Variants in RBFOX2 observed in about 807,000 individuals in gnomAD.
The protein encoded by RBFOX2 is RNA binding fox-1 homolog 2.
A neutral mutation model predicts 49.1 loss-of-function variants in RBFOX2; 10 were observed. That is an observed-to-expected ratio of 0.20 (90% CI 0.13 to 0.35). RBFOX2 has a LOEUF of 0.35. Among genes scored for constraint, RBFOX2 ranks in the 10% least tolerant of loss-of-function variants. The probability of loss-of-function intolerance (pLI) is 1.00; values close to 1 mark genes in which losing one functional copy is unlikely to be tolerated. For synonymous variants in RBFOX2, 183 were observed against 187.4 expected (o/e 0.98, Z 0.19); for missense variants, 323 against 486.9 (o/e 0.66, Z 3.17).
intron 1 of RBFOX2, among the ~76,000 whole-genome samples, chr22:35,934,450 A>C (rs2052809951): frequency 6.6e-6 from 1 of 152,186 alleles, no homozygotes; most frequent in Non-Finnish European, 1.5e-5. Flanking sequence ...TTAGAGAAGG[A>C]TGGCCATACA....
At chr22:35,961,720 T>C (rs2056227759), upstream of RBFOX2, 1 of 1,281,570 alleles carries the variant, frequency 7.8e-7, no homozygotes, top group Non-Finnish European at 1.0e-6. Flanking sequence ...TGGAGCAGGA[T>C]ACACAAAAAG....
chr22:35,888,964 G>A (rs796460482), intron 1 of RBFOX2, among the ~76,000 whole-genome samples: 3 of 152,162 alleles, frequency 2.0e-5, no homozygotes, highest in African/African-American at 7.2e-5. Context: ...AGACCAGCCT[G>A]GCCAACATGG....
chr22:35,896,966 C>T (rs1272389544), intron 1 of RBFOX2, among the ~76,000 whole-genome samples: 1 of 152,208 alleles, frequency 6.6e-6, no homozygotes, highest in Non-Finnish European at 1.5e-5. Flanking sequence ...TTATACACAA[C>T]TTTCCTCTCT....
chr22:35,909,915 A>G (rs2049590562), intron 1 of RBFOX2, among the ~76,000 whole-genome samples: 1 of 152,226 alleles, frequency 6.6e-6, no homozygotes, highest in Non-Finnish European at 1.5e-5. Flanking sequence ...GCCGGGCCTT[A>G]CTTTCTTTTT....
intron 1 of RBFOX2, among the ~76,000 whole-genome samples, chr22:36,016,726 G>T (rs2059050355): frequency 6.6e-6 from 1 of 152,154 alleles, no homozygotes; most frequent in African/African-American, 2.4e-5. Context: ...TGGGAAAACA[G>T]GTTTTTAAGC....
chr22:36,022,424 AAACTC>A (rs1257297833), intron 1 of RBFOX2, among the ~76,000 whole-genome samples: 1 of 152,234 alleles, frequency 6.6e-6, no homozygotes, highest in African/African-American at 2.4e-5. Flanking sequence ...GTTGGGAGAC[AAACTC>A]AACTCAAGCT....
intron 1 of RBFOX2, among the ~76,000 whole-genome samples, chr22:35,882,588 T>C (rs1305407039): frequency 6.6e-6 from 1 of 152,130 alleles, no homozygotes; most frequent in African/African-American, 2.4e-5. Flanking sequence ...GACAGAAAAC[T>C]TGATGATCCC....
intron 1 of RBFOX2, among the ~76,000 whole-genome samples, chr22:35,875,814 A>G (rs933574669): frequency 4.6e-5 from 7 of 152,174 alleles, no homozygotes; most frequent in African/African-American, 1.7e-4. Flanking sequence ...TAAACTTTAC[A>G]TTTTATTGGG....
chr22:36,007,238 AAAACATAGCTAATATAC>A (rs1196570293), intron 1 of RBFOX2, among the ~76,000 whole-genome samples: 7 of 151,950 alleles, frequency 4.6e-5, no homozygotes, highest in Non-Finnish European at 8.8e-5. Flanking sequence ...AAAATGTAAG[AAAACATAGCTAATATAC>A]AAACATATAA....
intron 1 of RBFOX2, among the ~76,000 whole-genome samples, chr22:35,878,859 T>C (rs903605239): frequency 1.8e-4 from 27 of 152,112 alleles, no homozygotes; most frequent in Admixed American, 9.8e-4. Context: ...GCCTCCAGAG[T>C]GGCTGGGACT....
intron 1 of RBFOX2, among the ~76,000 whole-genome samples, chr22:35,984,608 G>C (rs558045781): frequency 2.0e-5 from 3 of 152,286 alleles, no homozygotes. Context: ...AAGCTATACT[G>C]AAGTTGGCTC....
At chr22:35,872,008 A>G (rs1432450561) in intron 1 of RBFOX2, among the ~76,000 whole-genome samples, 1 of 152,212 alleles carries the variant, frequency 6.6e-6, no homozygotes, top group Non-Finnish European at 1.5e-5. Context: ...AAAGAATGAC[A>G]ATTTTAAGCA....
chr22:35,822,529 T>C (rs574930148), intron 1 of RBFOX2, among the ~76,000 whole-genome samples: 5 of 152,310 alleles, frequency 3.3e-5, no homozygotes, highest in African/African-American at 1.2e-4. Flanking sequence ...TAAAAGGACT[T>C]GTTAGCTAGT....
At position 35,908,179 on chromosome 22, in the gene RBFOX2, T is replaced by C. The variant is rs182016894; in HGVS notation, c.-34+30668A>G. 4.6e-5 allele frequency among the ~76,000 whole-genome samples: 7 copies of C among 152,262 alleles called. No individual in the cohort carries two copies. The East Asian group carries it at 1.4e-3, about 29-fold the overall frequency. Reference sequence around the variant, plus strand: ...CTTGAATTCGTATAATGAGAAACAGTCAAATATGGATACACTCAGTTTCTT... The same window carrying C: ...CTTGAATTCGTATAATGAGAAACAGCCAAATATGGATACACTCAGTTTCTT... On this transcript the variant is annotated intron_variant, in intron 1 of 13. Coordinates refer to the RBFOX2 transcript ENST00000359369.
At chr22:35,806,838 TCTGTGGGCCAGGCTGGAGTG>T (rs1156335524) in intron 2 of RBFOX2, among the ~76,000 whole-genome samples, 2 of 152,182 alleles carry the variant, frequency 1.3e-5, no homozygotes, top group African/African-American at 4.8e-5. Flanking sequence ...GGAGTCTCAC[TCTGTGGGCCAGGCTGGAGTG>T]CAGTGGCATG....
intron 1 of RBFOX2, among the ~76,000 whole-genome samples, chr22:36,020,159 A>G (rs1240500115): frequency 6.6e-6 from 1 of 152,216 alleles, no homozygotes; most frequent in African/African-American, 2.4e-5. Flanking sequence ...AGGATTCCCT[A>G]TCTAATAAAC....
chr22:35,741,503 AGGTGAC>A (rs1929941290), exon 12 of RBFOX2: 3 of 152,472 alleles, frequency 2.0e-5, no homozygotes, highest in Admixed American at 2.0e-4. Flanking sequence ...AAAGTTCAAA[AGGTGAC>A]GGGGAGGTTG....
At chr22:35,824,654 G>A (rs895973147) in intron 1 of RBFOX2, among the ~76,000 whole-genome samples, 2 of 152,204 alleles carry the variant, frequency 1.3e-5, no homozygotes, top group Non-Finnish European at 2.9e-5. Context: ...GGTGGCCTGC[G>A]GAAGACAGAA....
intron 1 of RBFOX2, among the ~76,000 whole-genome samples, chr22:35,837,892 C>T (rs1028239015): frequency 4.6e-5 from 7 of 152,088 alleles, no homozygotes; most frequent in Admixed American, 3.9e-4. Context: ...CTAATTATTA[C>T]GACCACAATA....
Sources: gnomAD v4.1 joint callset for allele counts (sites outside exome capture counted in the v4.1 genomes callset) on GRCh38, gnomAD v4.1.1 for gene constraint, MANE v1.5 for transcripts, NCBI Gene and HGNC (gene_info 2026-07-23, HGNC 2026-07-21) for gene names.